FHOD3: variants seen among roughly 807,000 people sequenced by gnomAD.
FHOD3 encodes the protein FH1/FH2 domain-containing protein 3.
A neutral mutation model predicts 173.0 loss-of-function variants in FHOD3; 90 were observed. The ratio of observed to expected loss-of-function variants is 0.52; its 90% CI spans 0.44 to 0.62. The LOEUF is 0.62. Among genes scored for constraint, FHOD3 ranks in the 20% least tolerant of loss-of-function variants. FHOD3 has a pLI of 0.00. For missense variants in FHOD3, 1,945 were observed against 2,034.7 expected, an observed-to-expected ratio of 0.96 and a Z score of 0.85; for synonymous variants, 828 against 823.0, an observed-to-expected ratio of 1.01 and a Z score of -0.10.
intron 1 of FHOD3, among the ~76,000 whole-genome samples, chr18:36,350,731 A>T (rs2046084061): frequency 6.6e-6 from 1 of 152,182 alleles, no homozygotes; most frequent in Admixed American, 6.5e-5. Flanking sequence ...TTCGCTCTGT[A>T]GGGAAAGTTT....
chr18:36,570,516 A>G (rs1444195304), intron 5 of FHOD3, among the ~76,000 whole-genome samples: 1 of 152,166 alleles, frequency 6.6e-6, no homozygotes, highest in Non-Finnish European at 1.5e-5. Flanking sequence ...AGAAAACAGA[A>G]GAGGAGGAAA....
At chr18:36,750,614 A>G (rs181649091) in intron 24 of FHOD3, among the ~76,000 whole-genome samples, 17 of 152,240 alleles carry the variant, frequency 1.1e-4, no homozygotes, top group African/African-American at 4.1e-4. Flanking sequence ...CAGGGTTTTT[A>G]TAGTTTTGGG....
intron 10 of FHOD3, among the ~76,000 whole-genome samples, chr18:36,643,724 AG>A (rs2035490655): frequency 6.6e-6 from 1 of 151,862 alleles, no homozygotes; most frequent in Non-Finnish European, 1.5e-5. Context: ...TCTTCATACC[AG>A]TTTGTTGGCT....
At chr18:36,383,171 C>T (rs1467569091) in intron 3 of FHOD3, among the ~76,000 whole-genome samples, 1 of 152,126 alleles carries the variant, frequency 6.6e-6, no homozygotes, top group Non-Finnish European at 1.5e-5. Flanking sequence ...CAGGCTTCCT[C>T]CTGGGTAGGT....
Position 36,646,273 on chromosome 18 carries a change from G to A in FHOD3, c.1197-3043G>A, listed in dbSNP as rs189445733. On this transcript the variant is annotated intron_variant, in intron 10 of 28. Coordinates refer to ENST00000590592, the MANE Select transcript of FHOD3 (RefSeq NM_001281740.3). Reference sequence around the variant, plus strand: ...ATCAACAAATAGAAAATAAAATTGAGTTCAATAATATGTACAGTAGCATCC... The same window carrying A: ...ATCAACAAATAGAAAATAAAATTGAATTCAATAATATGTACAGTAGCATCC... Among the ~76,000 whole-genome samples, 1,345 of 152,176 alleles carry A rather than the reference G, an allele frequency of 8.8e-3. 23 individuals carry two copies. Among genetic ancestry groups the A allele is most frequent in the African/African-American group, 0.03 (1,253 of 41,534 alleles).
intron 3 of FHOD3, among the ~76,000 whole-genome samples, chr18:36,469,242 A>G (rs905994943): frequency 9.9e-5 from 15 of 152,194 alleles, no homozygotes; most frequent in African/African-American, 3.6e-4. Context: ...TCTCAGGGCC[A>G]GATGATTACT....
At chr18:36,342,676 G>A (rs547327418) in intron 1 of FHOD3, among the ~76,000 whole-genome samples, 1 of 152,282 alleles carries the variant, frequency 6.6e-6, no homozygotes, top group African/African-American at 2.4e-5. Flanking sequence ...TAGGTAAATT[G>A]TACTTTATCA....
At chr18:36,468,019 T>G (rs2053048390) in intron 3 of FHOD3, among the ~76,000 whole-genome samples, 1 of 152,222 alleles carries the variant, frequency 6.6e-6, no homozygotes, top group Non-Finnish European at 1.5e-5. Flanking sequence ...GCAGGATAGT[T>G]GGGTGGCCCC....
At chr18:36,522,714 A>G (rs1439285857) in intron 5 of FHOD3, among the ~76,000 whole-genome samples, 1 of 152,156 alleles carries the variant, frequency 6.6e-6, no homozygotes, top group Non-Finnish European at 1.5e-5. Flanking sequence ...AATTGAATGA[A>G]TGCCTGGGAG....
At chr18:36,350,304 C>T (rs915828208) in intron 1 of FHOD3, among the ~76,000 whole-genome samples, 3 of 152,186 alleles carry the variant, frequency 2.0e-5, no homozygotes, top group African/African-American at 7.2e-5. Flanking sequence ...AACACCCTGC[C>T]TCCCACCAGA....
chr18:36,543,553 C>T (rs555522092), intron 5 of FHOD3, among the ~76,000 whole-genome samples: 12 of 152,270 alleles, frequency 7.9e-5, no homozygotes, highest in South Asian at 4.1e-4. Context: ...AGTCCACCTA[C>T]GATGAACAAA....
chr18:36,733,599 A>G (rs895592653), intron 20 of FHOD3, among the ~76,000 whole-genome samples: 17 of 152,188 alleles, frequency 1.1e-4, no homozygotes, highest in African/African-American at 3.6e-4. Context: ...TTCAGATACA[A>G]TAAGTTACTC....
At chr18:36,754,242 C>A (rs1288509264) in intron 24 of FHOD3, among the ~76,000 whole-genome samples, 1 of 152,078 alleles carries the variant, frequency 6.6e-6, no homozygotes, top group Non-Finnish European at 1.5e-5. Context: ...AAGCCAGTGT[C>A]CCTTATTTTA....
intron 3 of FHOD3, among the ~76,000 whole-genome samples, chr18:36,430,949 T>C (rs2050512913): frequency 6.6e-6 from 1 of 152,072 alleles, no homozygotes; most frequent in South Asian, 2.1e-4. Flanking sequence ...GTGTCCTCTG[T>C]CTAGAGGGCA....
chr18:36,351,041 G>A (rs754001917), intron 1 of FHOD3, among the ~76,000 whole-genome samples: 1 of 152,096 alleles, frequency 6.6e-6, no homozygotes, highest in Non-Finnish European at 1.5e-5. Context: ...CCTGTGTCTC[G>A]GGTGTAATGA....
intron 23 of FHOD3, among the ~76,000 whole-genome samples, chr18:36,745,450 C>G (rs562763261): frequency 6.6e-6 from 1 of 152,318 alleles, no homozygotes; most frequent in African/African-American, 2.4e-5. Context: ...CATACGGTGT[C>G]TTGCATGCCT....
chr18:36,610,756 A>C (rs2032591549), intron 8 of FHOD3, among the ~76,000 whole-genome samples: 1 of 152,240 alleles, frequency 6.6e-6, no homozygotes, highest in Non-Finnish European at 1.5e-5. Flanking sequence ...TGTTGGTCTT[A>C]TTCCTTCCTA....
At chr18:36,779,273 A>C (rs1019692290) in intron 28 of FHOD3, 175 bp from the exon 29 acceptor site, 46 of 598,576 alleles carry the variant, frequency 7.7e-5, no homozygotes, top group Non-Finnish European at 1.2e-4. Context: ...TTGTCCTGGC[A>C]GACAGACTGC....
chr18:36,723,367 G>A (rs75485938), intron 19 of FHOD3, among the ~76,000 whole-genome samples: 1 of 152,052 alleles, frequency 6.6e-6, no homozygotes, highest in African/African-American at 2.4e-5. Context: ...TCATTTTAGG[G>A]TGTGTGTGTT....
Sources: allele counts gnomAD v4.1 joint callset (sites outside exome capture counted in the v4.1 genomes callset), GRCh38; gene constraint gnomAD v4.1.1; transcripts MANE v1.5; gene names NCBI Gene and HGNC (gene_info 2026-07-23, HGNC 2026-07-21).